Variants in FAR1 observed in about 807,000 individuals in gnomAD.
FAR1 encodes the protein male sterility domain-containing protein 2.
Under a neutral mutation model 61.1 loss-of-function variants are expected in FAR1, and 22 were observed. The observed-to-expected ratio is 0.36, with a 90% confidence interval of 0.26 to 0.51. FAR1 has a LOEUF of 0.51. Among genes scored for constraint, FAR1 ranks in the 20% least tolerant of loss-of-function variants. The pLI, the probability that FAR1 is intolerant of heterozygous loss-of-function variation, is 0.95. For synonymous variants in FAR1, 206 were observed against 209.7 expected (o/e 0.98, Z 0.15); for missense variants, 359 against 626.9 (o/e 0.57, Z 4.56).
intron 10 of FAR1, chr11:13,723,521 G>C: frequency 5.9e-6 from 2 of 336,708 alleles, no homozygotes; most frequent in Non-Finnish European, 1.1e-5. Context: ...CCGCTTGGCA[G>C]TATCACTATG....
At chr11:13,693,555 G>A (rs1035619500) in intron 1 of FAR1, among the ~76,000 whole-genome samples, 8 of 150,940 alleles carry the variant, frequency 5.3e-5, no homozygotes, top group Non-Finnish European at 8.9e-5. Flanking sequence ...GTCATGAGTA[G>A]CTCTGCTGTT....
intron 1 of FAR1, among the ~76,000 whole-genome samples, chr11:13,675,997 A>G (rs752262145): frequency 1.4e-4 from 21 of 152,152 alleles, no homozygotes; most frequent in South Asian, 4.1e-4. Context: ...GTGCTATCTC[A>G]TCAGAAAAAT....
Position 13,727,695 on chromosome 11 carries a change from G to A in FAR1, c.1385+12G>A, listed in dbSNP as rs1224774488. 1 of 1,589,232 alleles carries A rather than the reference G, an allele frequency of 6.3e-7. No homozygotes were observed. The highest frequency in any genetic ancestry group is 8.5e-7 in the Non-Finnish European group (1 of 1,170,144). On this transcript the variant is annotated intron_variant, in intron 11 of 11. Coordinates refer to ENST00000354817, the MANE Select transcript of FAR1 (RefSeq NM_032228.6). ...AAACATCTGAACAAGTGAGTTTGAT[G>A]CATGGATTTGATTGCTTCTTGTCTT...
At chr11:13,692,868 A>C (rs1214641467) in intron 1 of FAR1, among the ~76,000 whole-genome samples, 1 of 152,050 alleles carries the variant, frequency 6.6e-6, no homozygotes, top group African/African-American at 2.4e-5. Flanking sequence ...ATTTTTCCTT[A>C]GTTTCCTTTG....
At position 13,682,214 on chromosome 11, in the gene FAR1, C is replaced by T. The variant is rs12277832; in HGVS notation, c.-7-12545C>T. Among the ~76,000 whole-genome samples the T allele has an allele frequency of 5.3e-3, 807 of 152,242 alleles. 2 individuals carry two copies. Among genetic ancestry groups the T allele is most frequent in the Non-Finnish European group, 8.9e-3 (605 of 68,016 alleles). On this transcript the variant is annotated intron_variant, in intron 1 of 11. Transcript: ENST00000354817. ...ATTGTATCAAACAAGCATTTGTTGG[C>T]CATTTTACAGTGTGTCAGTAACAAT...
At chr11:13,704,670 G>A (rs1848414158) in intron 3 of FAR1, among the ~76,000 whole-genome samples, 1 of 151,986 alleles carries the variant, frequency 6.6e-6, no homozygotes, top group African/African-American at 2.4e-5. Flanking sequence ...ACAGATGACT[G>A]AGCCCCCTAC....
chr11:13,692,338 A>T (rs1462780683), intron 1 of FAR1, among the ~76,000 whole-genome samples: 1 of 152,186 alleles, frequency 6.6e-6, no homozygotes, highest in Non-Finnish European at 1.5e-5. Flanking sequence ...GGGGATACTT[A>T]ACCTTACAAA....
rs1358473272 is a variant in FAR1 at position 13,729,432 on chromosome 11, C to T, written c.*658C>T. The T allele has an allele frequency of 6.6e-6, 1 of 151,794 alleles. No homozygotes were observed. Among genetic ancestry groups the T allele is most frequent in the Admixed American group, 6.6e-5 (1 of 15,210 alleles). The allele number at this position is 151,794 out of a possible 1,614,324, so 9.4% of individuals were successfully genotyped here. A position where few individuals can be genotyped will look rare whatever the true frequency, so the allele number is the denominator to read the frequency against. On this transcript the variant is annotated 3_prime_UTR_variant, in exon 12 of 12. Transcript: ENST00000354817. Reference sequence around the variant, plus strand: ...GCTATATTATTCTAATGACCCTATTCGATCTAAATGGGTTTGAGAATCCAT... The same window carrying T: ...GCTATATTATTCTAATGACCCTATTTGATCTAAATGGGTTTGAGAATCCAT...
chr11:13,699,429 G>A (rs922091867), intron 2 of FAR1, among the ~76,000 whole-genome samples: 7 of 152,128 alleles, frequency 4.6e-5, no homozygotes, highest in Admixed American at 1.3e-4. Flanking sequence ...CAGTAGGAGC[G>A]GGAAGACTGT....
chr11:13,718,231 C>G (rs772925219), intron 9 of FAR1, among the ~76,000 whole-genome samples: 51 of 152,188 alleles, frequency 3.4e-4, no homozygotes, highest in Non-Finnish European at 4.1e-4. Flanking sequence ...TCATCTTCCC[C>G]TACCCTGCTA....
chr11:13,726,741 T>A (rs72866526), intron 10 of FAR1, among the ~76,000 whole-genome samples: 40,023 of 150,826 alleles, frequency 0.27, 5,603 homozygotes, highest in South Asian at 0.36. Context: ...TTTTTTTTTT[T>A]AAATAACTGT....
intron 8 of FAR1, 64 bp from the exon 9 acceptor site, chr11:13,714,442 ATTT>A (rs138697039): frequency 1.6e-6 from 2 of 1,249,682 alleles, no homozygotes; most frequent in African/African-American, 1.6e-5. Flanking sequence ...TAAAAACATG[ATTT>A]TTTTTTTTCA....
At chr11:13,673,719 A>G (rs1565336936) in intron 1 of FAR1, among the ~76,000 whole-genome samples, 1 of 152,166 alleles carries the variant, frequency 6.6e-6, no homozygotes, top group Non-Finnish European at 1.5e-5. Flanking sequence ...GTATGTTTTC[A>G]TATTTTAGAA....
intron 3 of FAR1, among the ~76,000 whole-genome samples, chr11:13,704,464 T>C (rs1410365770): frequency 6.6e-6 from 1 of 152,158 alleles, no homozygotes; most frequent in Non-Finnish European, 1.5e-5. Context: ...GTATTAAGAA[T>C]CTTAAGAATT....
At chr11:13,677,767 A>G (rs1352733225) in intron 1 of FAR1, among the ~76,000 whole-genome samples, 1 of 152,222 alleles carries the variant, frequency 6.6e-6, no homozygotes, top group Admixed American at 6.5e-5. Context: ...TTCTAATGGA[A>G]TAATAACACT....
intron 4 of FAR1, 66 bp from the exon 5 acceptor site, chr11:13,710,627 A>G: frequency 2.1e-6 from 3 of 1,398,920 alleles, no homozygotes; most frequent in Non-Finnish European, 2.9e-6. Context: ...GCGAAGTTCA[A>G]TTAAGTAGCT....
rs931463647 is a variant in FAR1 at position 13,731,456 on chromosome 11, T to G, written c.*2682T>G. The stretch of plus-strand genomic sequence containing the variant: ...TAAAAGCATTATTGGGTGCCTTTGT[T>G]TGTAAACCAAAAAGTAATAAATGAA... On this transcript the variant is annotated 3_prime_UTR_variant, in exon 12 of 12. Coordinates refer to ENST00000354817, the MANE Select transcript of FAR1 (RefSeq NM_032228.6). The G allele has an allele frequency of 6.6e-6, 1 of 152,636 alleles. No homozygotes were observed. Among genetic ancestry groups the G allele is most frequent in the Non-Finnish European group, 1.5e-5 (1 of 68,024 alleles). 9.5% of individuals were successfully genotyped at this position (152,636 alleles called of 1,614,324 possible). A position where few individuals can be genotyped will look rare whatever the true frequency, so the allele number is the denominator to read the frequency against.
chr11:13,719,443 G>C (rs1384234250), intron 9 of FAR1, among the ~76,000 whole-genome samples: 1 of 152,048 alleles, frequency 6.6e-6, no homozygotes, highest in East Asian at 1.9e-4. Context: ...TTATATTGGG[G>C]CCTTACTATG....
At chr11:13,691,378 A>G (rs1193812237) in intron 1 of FAR1, among the ~76,000 whole-genome samples, 1 of 152,210 alleles carries the variant, frequency 6.6e-6, no homozygotes. Flanking sequence ...TGAATTTTGG[A>G]GGGGACACAT....
Sources: gnomAD v4.1 joint callset for allele counts (sites outside exome capture counted in the v4.1 genomes callset) on GRCh38, gnomAD v4.1.1 for gene constraint, MANE v1.5 for transcripts, NCBI Gene and HGNC (gene_info 2026-07-23, HGNC 2026-07-21) for gene names.